The following CEMIP2 variants were observed in gnomAD, a reference collection of about 807,000 sequenced individuals.
CEMIP2 encodes the protein cell surface hyaluronidase CEMIP2.
Under a neutral mutation model 146.9 loss-of-function variants are expected in CEMIP2, and 79 were observed. That is an observed-to-expected ratio of 0.54 (90% confidence interval 0.45 to 0.65). The LOEUF (loss-of-function observed/expected upper bound fraction) is 0.65, where lower values mean the gene tolerates loss of function less well. CEMIP2 is among the 30% of genes least tolerant of loss of function. The probability of loss-of-function intolerance (pLI) is 0.00; values close to 1 mark genes in which losing one functional copy is unlikely to be tolerated. For synonymous variants in CEMIP2, 601 were observed against 606.3 expected, an observed-to-expected ratio of 0.99 and a Z score of 0.13; for missense variants, 1,596 against 1,696.2, an observed-to-expected ratio of 0.94 and a Z score of 1.04.
At chr9:71,716,916 A>G (rs1338089709) in intron 13 of CEMIP2, among the ~76,000 whole-genome samples, 1 of 152,244 alleles carries the variant, frequency 6.6e-6, no homozygotes, top group Non-Finnish European at 1.5e-5. Flanking sequence ...TCATGCCTGT[A>G]ATCCCAACAC....
intron 6 of CEMIP2, among the ~76,000 whole-genome samples, chr9:71,733,405 A>T (rs1823676850): frequency 6.6e-6 from 1 of 152,180 alleles, no homozygotes. Flanking sequence ...TTCCAAAAAA[A>T]ATTAATGCCA....
chr9:71,711,841 A>G (rs1822914213), intron 16 of CEMIP2, among the ~76,000 whole-genome samples: 1 of 152,102 alleles, frequency 6.6e-6, no homozygotes, highest in Admixed American at 6.6e-5. Flanking sequence ...TCATCACTTG[A>G]AGTCATTTTC....
At chr9:71,700,991 T>C (rs1223803433) in intron 18 of CEMIP2, among the ~76,000 whole-genome samples, 167 bp from the exon 19 acceptor site, 1 of 152,232 alleles carries the variant, frequency 6.6e-6, no homozygotes, top group East Asian at 1.9e-4. Flanking sequence ...ACAGTGGAAG[T>C]TCTGAACCAT....
At chr9:71,743,915 C>T (rs1272062137) in intron 4 of CEMIP2, among the ~76,000 whole-genome samples, 2 of 152,038 alleles carry the variant, frequency 1.3e-5, no homozygotes, top group African/African-American at 4.8e-5. Flanking sequence ...TAGATCATTA[C>T]GGCATGTCGG....
chr9:71,763,107 C>T (rs1488461304), intron 1 of CEMIP2, among the ~76,000 whole-genome samples: 1 of 151,432 alleles, frequency 6.6e-6, no homozygotes, highest in Non-Finnish European at 1.5e-5. Context: ...TCTAATTCCT[C>T]CTGAAACAGG....
intron 1 of CEMIP2, among the ~76,000 whole-genome samples, chr9:71,755,469 G>T (rs1824406902): frequency 6.6e-6 from 1 of 151,990 alleles, no homozygotes; most frequent in Admixed American, 6.6e-5. Flanking sequence ...GATTGCATGA[G>T]ACCAGTAGTT....
intron 4 of CEMIP2, 108 bp from the exon 5 acceptor site, chr9:71,740,340 G>T: frequency 7.5e-7 from 1 of 1,340,840 alleles, no homozygotes; most frequent in Non-Finnish European, 1.0e-6. Flanking sequence ...TTTCATTTTC[G>T]TCAATCCCTA....
rs776567161 is a variant in CEMIP2, at chr9:71,698,002, C to T, written c.3580G>A (p.Gly1194Ser). 155 of 1,613,982 alleles carry T rather than the reference C, an allele frequency of 9.6e-5. No individual in the cohort carries two copies. Among genetic ancestry groups the T allele is most frequent in the Non-Finnish European group, 1.3e-4 (154 of 1,180,008 alleles). The change falls in exon 20 of 24, where the codon GGC becomes AGC. Residue 1194 changes from glycine (G) to serine (S), a missense_variant. Coordinates refer to ENST00000377044, the MANE Select transcript of CEMIP2 (RefSeq NM_013390.3). ...MPAMLTGLCQ[G>S]CGTRQVVFTS... is the part of the protein sequence containing the mutation. ...TTGTTTACCTGCCGAGTGCCACAGC[C>T]TTGACAGAGTCCAGTGAGCATGGCC...
chr9:71,734,594 A>G lies in CEMIP2; in HGVS notation c.1393+212T>C, dbSNP rs72737982. Among the ~76,000 whole-genome samples, 46 of 152,278 alleles carry G rather than the reference A, an allele frequency of 3.0e-4. 1 individual carries two copies. In the South Asian group the frequency reaches 9.4e-3, roughly 31 times the overall value. ...CAAAGAAACTGAAGCAATATGTATC[A>G]TTAGCAGCAAGAATATTGCTCAATA... On this transcript the variant is annotated intron_variant, in intron 6 of 23. Coordinates refer to ENST00000377044, the MANE Select transcript of CEMIP2 (RefSeq NM_013390.3).
At chr9:71,746,772 G>C (rs1824103173) in intron 2 of CEMIP2, among the ~76,000 whole-genome samples, 1 of 152,124 alleles carries the variant, frequency 6.6e-6, no homozygotes, top group South Asian at 2.1e-4. Flanking sequence ...ATAATACATT[G>C]ATCAGGTCTT....
At chr9:71,754,215 TA>T (rs1172547012) in intron 1 of CEMIP2, among the ~76,000 whole-genome samples, 9 of 151,986 alleles carry the variant, frequency 5.9e-5, no homozygotes, top group East Asian at 1.9e-4. Context: ...AGTATAATAA[TA>T]AAAAAAAGAT....
rs1823722115 is a variant in CEMIP2 at position 71,734,995 on chromosome 9, C to T, written c.1205-1G>A. The stretch of plus-strand genomic sequence containing the variant: ...ACCCGGAATCCTGAAAGAGAAACGC[C>T]TAAACCAAAAAAAAAAAAAAGAAAA... On this transcript the variant is annotated splice_acceptor_variant, in intron 5 of 23. Coordinates refer to ENST00000377044, the MANE Select transcript of CEMIP2 (RefSeq NM_013390.3). LOFTEE classifies it high-confidence loss of function. The T allele has an allele frequency of 6.5e-7, 1 of 1,542,980 alleles. No homozygotes were observed. Among genetic ancestry groups the T allele is most frequent in the African/African-American group, 1.5e-5 (1 of 68,082 alleles).
rs1343788200 is a variant in CEMIP2, at chr9:71,731,714, A to AGAAT, written c.1563+633_1563+636dup. ...GCCACTGTACTCCATCCTGGGTGAC[A>AGAAT]GAATGAGACTGTATCTCAAAAAAAA... is the stretch of plus-strand genomic sequence containing the variant. On this transcript the variant is annotated intron_variant, in intron 7 of 23. Coordinates refer to ENST00000377044, the MANE Select transcript of CEMIP2 (RefSeq NM_013390.3). Among the ~76,000 whole-genome samples, 3 of 146,672 alleles carry AGAAT rather than the reference A, an allele frequency of 2.0e-5. No individual in the cohort carries two copies. The Admixed American group carries it at 2.1e-4, about 10-fold the overall frequency.
rs189749561 is a variant in CEMIP2 at position 71,700,437 on chromosome 9, A to G, written c.3377+205T>C. ...CTTTCTCTAAATTGCCTCAATACGT[A>G]TACAGCAAACATCTTCACTCGATCC... On this transcript the variant is annotated intron_variant, in intron 19 of 23. Coordinates refer to ENST00000377044, the MANE Select transcript of CEMIP2 (RefSeq NM_013390.3). 2.4e-4 allele frequency among the ~76,000 whole-genome samples: 36 copies of G among 152,292 alleles called. 1 individual carries two copies. The highest frequency in any genetic ancestry group is 8.2e-4 in the African/African-American group (34 of 41,566).
At chr9:71,714,558 G>T (rs1444429902) in intron 15 of CEMIP2, among the ~76,000 whole-genome samples, 1 of 152,026 alleles carries the variant, frequency 6.6e-6, no homozygotes, top group Non-Finnish European at 1.5e-5. Flanking sequence ...AACACACATT[G>T]AGGAAAAACT....
chr9:71,734,557 C>CT (rs1028716111), intron 6 of CEMIP2, among the ~76,000 whole-genome samples: 30 of 152,062 alleles, frequency 2.0e-4, no homozygotes, highest in East Asian at 3.9e-4. Context: ...TAGTTGACAT[C>CT]TTTTTTTTAT....
intron 17 of CEMIP2, among the ~76,000 whole-genome samples, chr9:71,705,403 C>G (rs1461368881): frequency 6.6e-6 from 1 of 152,018 alleles, no homozygotes; most frequent in African/African-American, 2.4e-5. Context: ...CTTGCCATGC[C>G]AAAACAAAGC....
rs191055711 is a variant in CEMIP2 at position 71,740,771 on chromosome 9, G to C, written c.1035-539C>G. On this transcript the variant is annotated intron_variant, in intron 4 of 23. Transcript: ENST00000377044. ...TTTATTTTTATTTTTTGGAGACAGGGTCTTACTATGTTTTTAAAGTTCCCA... is the reference window on the plus strand; with the variant it reads ...TTTATTTTTATTTTTTGGAGACAGGCTCTTACTATGTTTTTAAAGTTCCCA... 1.9e-3 allele frequency among the ~76,000 whole-genome samples: 294 copies of C among 152,274 alleles called. 1 individual carries two copies. Among genetic ancestry groups the C allele is most frequent in the African/African-American group, 6.1e-3 (255 of 41,558 alleles).
Position 71,756,502 on chromosome 9 carries a change from T to A in CEMIP2, c.-12-6117A>T, listed in dbSNP as rs62544879. On this transcript the variant is annotated intron_variant, in intron 1 of 23. Coordinates refer to ENST00000377044, the MANE Select transcript of CEMIP2 (RefSeq NM_013390.3). The stretch of plus-strand genomic sequence containing the variant: ...CTCTCTCTCTCTCTCTCTCTCTCTC[T>A]CTCTCACACACACACACACACACAC... Among the ~76,000 whole-genome samples the A allele has an allele frequency of 9.0e-3, 942 of 104,742 alleles. 7 individuals carry two copies. Among genetic ancestry groups the A allele is most frequent in the Middle Eastern group, 0.023 (5 of 214 alleles). 68.7% of individuals were successfully genotyped at this position (104,742 alleles called of 152,430 possible).
Sources: allele counts gnomAD v4.1 joint callset (sites outside exome capture counted in the v4.1 genomes callset), GRCh38; gene constraint gnomAD v4.1.1; transcripts MANE v1.5; gene names NCBI Gene and HGNC (gene_info 2026-07-23, HGNC 2026-07-21).